The following DOCK1 variants were observed in gnomAD, a reference collection of about 807,000 sequenced individuals.
DOCK1 encodes dedicator of cytokinesis 1.
DOCK1 carries 138 observed loss-of-function variants against 262.7 expected under a neutral mutation model. The ratio of observed to expected loss-of-function variants is 0.53; its 90% CI spans 0.46 to 0.61. The LOEUF (loss-of-function observed/expected upper bound fraction) is 0.61, where lower values mean the gene tolerates loss of function less well. Ranked by LOEUF, DOCK1 falls within the 20% of genes least tolerant of loss-of-function variation. The pLI, the probability that DOCK1 is intolerant of heterozygous loss-of-function variation, is 0.00. For synonymous variants in DOCK1, 866 were observed against 867.4 expected, an observed-to-expected ratio of 1.00 and a Z score of 0.03; for missense variants, 1,908 against 2,370.7, an observed-to-expected ratio of 0.80 and a Z score of 4.05.
At chr10:127,203,540 C>G (rs1332974514) in intron 27 of DOCK1, among the ~76,000 whole-genome samples, 2 of 151,954 alleles carry the variant, frequency 1.3e-5, no homozygotes, top group East Asian at 3.9e-4. Flanking sequence ...TCTTTAACAC[C>G]AAGTTCCAAA....
chr10:126,939,050 T>C (rs1280916973), intron 1 of DOCK1, among the ~76,000 whole-genome samples: 14 of 48,790 alleles, frequency 2.9e-4, no homozygotes, highest in African/African-American at 1.0e-3. Flanking sequence ...GGTGGGGGGA[T>C]GAACACCGGG....
chr10:126,920,416 A>C (rs4255455), intron 1 of DOCK1, among the ~76,000 whole-genome samples: 73,115 of 152,084 alleles, frequency 0.48, 18,412 homozygotes, highest in South Asian at 0.61. Flanking sequence ...TGCTTGAGTC[A>C]CGCTTCCAGC....
intron 20 of DOCK1, 75 bp downstream of exon 20, chr10:127,042,789 G>A (rs765146347): frequency 3.4e-6 from 5 of 1,481,820 alleles, no homozygotes; most frequent in South Asian, 2.3e-5. Context: ...GGCTGGAGTC[G>A]GGGGCTTCGT....
chr10:127,156,358 T>G (rs968203844), intron 27 of DOCK1, among the ~76,000 whole-genome samples: 1 of 152,074 alleles, frequency 6.6e-6, no homozygotes, highest in African/African-American at 2.4e-5. Flanking sequence ...CTGGGGCTGG[T>G]GTTCTGCACC....
chr10:126,970,444 T>C (rs1052480615), intron 1 of DOCK1, among the ~76,000 whole-genome samples: 1 of 152,232 alleles, frequency 6.6e-6, no homozygotes, highest in East Asian at 1.9e-4. Context: ...ATCAAAATAC[T>C]GTTAACAATG....
chr10:127,308,118 A>T (rs1590371668), intron 29 of DOCK1, among the ~76,000 whole-genome samples: 2 of 152,278 alleles, frequency 1.3e-5, no homozygotes, highest in Admixed American at 6.5e-5. Context: ...AATTCTGTTG[A>T]TGTCTCAGTT....
chr10:126,911,088 G>A (rs2031693524), intron 1 of DOCK1, among the ~76,000 whole-genome samples: 2 of 152,182 alleles, frequency 1.3e-5, no homozygotes, highest in African/African-American at 2.4e-5. Flanking sequence ...GAGTCGTCTG[G>A]TAGTTGGATG....
intron 23 of DOCK1, among the ~76,000 whole-genome samples, chr10:127,088,294 A>C (rs1051437936): frequency 5.3e-5 from 8 of 152,190 alleles, no homozygotes; most frequent in Non-Finnish European, 7.3e-5. Flanking sequence ...GCCTTCAGTC[A>C]ATTTTGGAAG....
Position 127,036,032 on chromosome 10 carries a change from AAATAAATAAAT to A in DOCK1, c.1913-1684_1913-1674del, listed in dbSNP as rs1272223390. Reference sequence around the variant, plus strand: ...TAAATAAATAAATAAATAAATAAATAAATAAATAAATAAAAAAGAGTAGAGTGCTCAATTCG... The same window carrying A: ...TAAATAAATAAATAAATAAATAAATAAAAAAAGAGTAGAGTGCTCAATTCG... On this transcript the variant is annotated intron_variant, in intron 18 of 51. Coordinates refer to ENST00000623213, the MANE Select transcript of DOCK1 (RefSeq NM_001290223.2). 2.6e-5 allele frequency among the ~76,000 whole-genome samples: 4 copies of A among 150,992 alleles called. No homozygotes were observed. In the South Asian group the frequency reaches 6.3e-4, roughly 24 times the overall value.
At chr10:126,909,372 T>C (rs1170405482) in intron 1 of DOCK1, among the ~76,000 whole-genome samples, 1 of 152,186 alleles carries the variant, frequency 6.6e-6, no homozygotes, top group African/African-American at 2.4e-5. Flanking sequence ...TTTGAGACCC[T>C]GAGCTGCTGG....
chr10:127,191,147 C>T (rs1250538345), intron 27 of DOCK1, among the ~76,000 whole-genome samples: 1 of 152,128 alleles, frequency 6.6e-6, no homozygotes, highest in Non-Finnish European at 1.5e-5. Flanking sequence ...GTCTGCTGGG[C>T]TCAGGAGTGC....
intron 1 of DOCK1, among the ~76,000 whole-genome samples, chr10:126,934,814 A>T (rs1197825133): frequency 1.5e-5 from 2 of 135,260 alleles, no homozygotes; most frequent in Admixed American, 8.3e-5. Flanking sequence ...AACAATAAGG[A>T]TTATGGAAAG....
At chr10:126,971,925 G>GT (rs897650158) in intron 2 of DOCK1, among the ~76,000 whole-genome samples, 3 of 149,534 alleles carry the variant, frequency 2.0e-5, no homozygotes, top group African/African-American at 4.9e-5. Context: ...ATTTTTTTTT[G>GT]TTTTTTTTGA....
intron 1 of DOCK1, among the ~76,000 whole-genome samples, chr10:126,928,160 A>T (rs1237997848): frequency 6.6e-6 from 1 of 152,192 alleles, no homozygotes; most frequent in Non-Finnish European, 1.5e-5. Flanking sequence ...CGTTCAGCAG[A>T]GTGAGAATAA....
intron 27 of DOCK1, among the ~76,000 whole-genome samples, chr10:127,190,701 G>A (rs1450988101): frequency 2.0e-5 from 2 of 97,684 alleles, no homozygotes; most frequent in East Asian, 3.3e-4. Context: ...CTGGCTCCCA[G>A]ATTTCTGTTG....
intron 46 of DOCK1, among the ~76,000 whole-genome samples, chr10:127,422,014 C>G (rs973900597): frequency 2.0e-5 from 3 of 152,136 alleles, no homozygotes; most frequent in African/African-American, 7.2e-5. Context: ...TTTAGAATTG[C>G]TGGCTCATGT....
chr10:127,052,251 G>A (rs1284367650), intron 21 of DOCK1, among the ~76,000 whole-genome samples: 1 of 152,210 alleles, frequency 6.6e-6, no homozygotes. Context: ...TACAGGCCGT[G>A]CAGTGGCTTA....
intron 27 of DOCK1, among the ~76,000 whole-genome samples, chr10:127,207,111 A>T (rs2057759477): frequency 1.3e-5 from 2 of 152,184 alleles, no homozygotes; most frequent in Non-Finnish European, 2.9e-5. Context: ...TTATGGGGGA[A>T]AAAGAAAAAT....
chr10:127,412,029 C>A (rs1415999958), intron 43 of DOCK1, among the ~76,000 whole-genome samples: 2 of 151,916 alleles, frequency 1.3e-5, no homozygotes, highest in African/African-American at 4.8e-5. Flanking sequence ...GTGCCATGAT[C>A]TCAGCTCACT....
Sources: gnomAD v4.1 joint callset for allele counts (sites outside exome capture counted in the v4.1 genomes callset) on GRCh38, gnomAD v4.1.1 for gene constraint, MANE v1.5 for transcripts, NCBI Gene and HGNC (gene_info 2026-07-23, HGNC 2026-07-21) for gene names.